TGFBR2: variants seen among roughly 807,000 people sequenced by gnomAD.
TGFBR2 encodes the protein TGF-beta receptor type-2.
TGFBR2 carries 18 observed loss-of-function variants against 49.0 expected under a neutral mutation model. The observed-to-expected ratio is 0.37, with a 90% CI of 0.25 to 0.54. TGFBR2 has a LOEUF of 0.54. TGFBR2 is among the 20% of genes least tolerant of loss of function. The pLI is 0.85. For synonymous variants in TGFBR2, 282 were observed against 275.9 expected, an observed-to-expected ratio of 1.02 and a Z score of -0.22; for missense variants, 525 against 722.6, an observed-to-expected ratio of 0.73 and a Z score of 3.13.
chr3:30,614,648 T>C (rs895046870), intron 1 of TGFBR2, among the ~76,000 whole-genome samples: 1 of 152,232 alleles, frequency 6.6e-6, no homozygotes, highest in African/African-American at 2.4e-5. Flanking sequence ...GAGGTCTTGC[T>C]ACTGCACGGA....
At chr3:30,647,516 T>C (rs1162232978) in intron 2 of TGFBR2, among the ~76,000 whole-genome samples, 1 of 152,094 alleles carries the variant, frequency 6.6e-6, no homozygotes, top group Non-Finnish European at 1.5e-5. Flanking sequence ...CTACTATGAT[T>C]GTAGATTTCA....
At chr3:30,653,887 G>A (rs778501630) in intron 3 of TGFBR2, among the ~76,000 whole-genome samples, 7 of 152,140 alleles carry the variant, frequency 4.6e-5, no homozygotes, top group Non-Finnish European at 1.0e-4. Flanking sequence ...CACCCCATGC[G>A]AGTAGGCACT....
intron 3 of TGFBR2, among the ~76,000 whole-genome samples, chr3:30,669,121 C>CAAAAAAAAAAAA (rs56069409): frequency 1.3e-3 from 111 of 83,454 alleles, no homozygotes; most frequent in African/African-American, 4.5e-3. Context: ...ACTAAAAATA[C>CAAAAAAAAAAAA]AAAAAAAAAA....
chr3:30,613,928 C>A (rs1371164683), intron 1 of TGFBR2, among the ~76,000 whole-genome samples: 1 of 152,142 alleles, frequency 6.6e-6, no homozygotes, highest in African/African-American at 2.4e-5. Flanking sequence ...CATTCCTTTG[C>A]AGAGATGTTG....
At chr3:30,652,965 T>C (rs1457025135) in intron 3 of TGFBR2, among the ~76,000 whole-genome samples, 1 of 152,222 alleles carries the variant, frequency 6.6e-6, no homozygotes, top group African/African-American at 2.4e-5. Context: ...ATATTTTTCC[T>C]CTTATTTATT....
At chr3:30,618,261 G>A (rs1351030300) in intron 1 of TGFBR2, among the ~76,000 whole-genome samples, 5 of 133,804 alleles carry the variant, frequency 3.7e-5, no homozygotes, top group Non-Finnish European at 7.7e-5. Context: ...ATGGAATCTC[G>A]CTCTGTTGCC....
chr3:30,632,658 G>A (rs1350066033), intron 1 of TGFBR2, among the ~76,000 whole-genome samples: 1 of 152,074 alleles, frequency 6.6e-6, no homozygotes, highest in African/African-American at 2.4e-5. Flanking sequence ...ATTTTCTTTG[G>A]TGTGAGAGAG....
chr3:30,680,145 A>G (rs2125444756), intron 5 of TGFBR2, among the ~76,000 whole-genome samples: 1 of 139,320 alleles, frequency 7.2e-6, no homozygotes, highest in East Asian at 2.2e-4. Context: ...CAAAAAAAAT[A>G]GTAGCTATGA....
chr3:30,670,769 A>T (rs1575157080), intron 3 of TGFBR2, among the ~76,000 whole-genome samples: 2 of 152,390 alleles, frequency 1.3e-5, no homozygotes, highest in South Asian at 4.1e-4. Flanking sequence ...AAACTGCAGC[A>T]TTTCCATTTT....
intron 1 of TGFBR2, among the ~76,000 whole-genome samples, chr3:30,642,828 C>G (rs1698669856): frequency 6.6e-6 from 1 of 152,096 alleles, no homozygotes; most frequent in South Asian, 2.1e-4. Flanking sequence ...TTGTGTTTCT[C>G]CCAAATTTCA....
chr3:30,610,454 T>A (rs1162626730), intron 1 of TGFBR2, among the ~76,000 whole-genome samples: 2 of 152,178 alleles, frequency 1.3e-5, no homozygotes, highest in Non-Finnish European at 2.9e-5. Flanking sequence ...GAGCCCCAGT[T>A]GGGCAGCCTT....
intron 1 of TGFBR2, among the ~76,000 whole-genome samples, chr3:30,607,799 A>AAAAAAT (rs1367214755): frequency 6.9e-4 from 96 of 138,306 alleles, no homozygotes; most frequent in African/African-American, 2.2e-3. Context: ...AAAATAAAAA[A>AAAAAAT]ATATATATAT....
chr3:30,627,266 C>G (rs1012445708), intron 1 of TGFBR2, among the ~76,000 whole-genome samples: 1 of 152,046 alleles, frequency 6.6e-6, no homozygotes, highest in Admixed American at 6.6e-5. Flanking sequence ...CTTCTTTTTC[C>G]TAGGCCTCCC....
At chr3:30,634,038 A>G (rs1698484250) in intron 1 of TGFBR2, among the ~76,000 whole-genome samples, 1 of 152,232 alleles carries the variant, frequency 6.6e-6, no homozygotes, top group Non-Finnish European at 1.5e-5. Context: ...CACATGTTTA[A>G]TAAAACTGTA....
chr3:30,626,317 AAC>A (rs1189942584), intron 1 of TGFBR2: 10 of 152,356 alleles, frequency 6.6e-5, no homozygotes, highest in African/African-American at 2.2e-4. Context: ...TCATCTGCAG[AAC>A]AGAGCAAATA....
chr3:30,607,597 G>A (rs1342655242), intron 1 of TGFBR2, among the ~76,000 whole-genome samples: 2 of 151,900 alleles, frequency 1.3e-5, no homozygotes, highest in East Asian at 3.9e-4. Flanking sequence ...AGATGCTCAG[G>A]TGAAACCGAG....
intron 3 of TGFBR2, chr3:30,661,710 C>A: frequency 2.5e-6 from 1 of 400,574 alleles, no homozygotes; most frequent in Non-Finnish European, 4.9e-6. Context: ...AAGAACAAAC[C>A]ATCAGGAGCC....
chr3:30,650,275 A>C lies in TGFBR2; in HGVS notation c.269A>C (p.Lys90Thr). 1 of 1,613,980 alleles carries C rather than the reference A, an allele frequency of 6.2e-7. No homozygotes were observed. The highest frequency in any genetic ancestry group is 1.7e-5 in the Admixed American group (1 of 60,010). ...AATGAATCTCTTCACTCTAGGAGAA[A>C]GAATGACGAGAACATAACACTAGAG... ...PQEVCVAVWR[K>T]NDENITLETV... Residue 90 changes from lysine (K) to threonine (T), a missense_variant, in exon 3 of 7, where the codon AAG becomes ACG. By Grantham distance (78) the Lys-to-Thr change is moderately conservative. Around this residue, in one of 3 missense-constraint regions of TGFBR2, gnomAD observed 376 missense variants for 478.2 expected, o/e 0.79. Coordinates refer to ENST00000295754, the MANE Select transcript of TGFBR2 (RefSeq NM_003242.6).
At chr3:30,657,899 A>T (rs1054667798) in intron 3 of TGFBR2, among the ~76,000 whole-genome samples, 1 of 152,204 alleles carries the variant, frequency 6.6e-6, no homozygotes, top group Non-Finnish European at 1.5e-5. Flanking sequence ...GCCAGGAGAC[A>T]TTTATTTTGG....
Sources: allele counts gnomAD v4.1 joint callset (sites outside exome capture counted in the v4.1 genomes callset), GRCh38; gene constraint gnomAD v4.1.1; regional missense constraint gnomAD v4.1.1; transcripts MANE v1.5; gene names NCBI Gene and HGNC (gene_info 2026-07-23, HGNC 2026-07-21).